SPHKAP: variants seen among roughly 807,000 people sequenced by gnomAD.
SPHKAP encodes the protein A-kinase anchor protein SPHKAP.
SPHKAP carries 67 observed loss-of-function variants against 137.5 expected under a neutral mutation model. That is an observed-to-expected ratio of 0.49 (90% CI 0.40 to 0.60). SPHKAP has a LOEUF of 0.60. Among genes scored for constraint, SPHKAP ranks in the 20% least tolerant of loss-of-function variants. The pLI, the probability that SPHKAP is intolerant of heterozygous loss-of-function variation, is 0.00. For missense variants in SPHKAP, 2,097 were observed against 2,069.3 expected (o/e 1.01, Z -0.26); for synonymous variants, 813 against 785.3 (o/e 1.04, Z -0.59).
At chr2:228,012,635 A>G (rs1231359236) in intron 7 of SPHKAP, among the ~76,000 whole-genome samples, 1 of 152,254 alleles carries the variant, frequency 6.6e-6, no homozygotes, top group Non-Finnish European at 1.5e-5. Flanking sequence ...CTATGAGAGT[A>G]GATATCAAGT....
At chr2:228,073,006 A>G (rs1302754287) in intron 3 of SPHKAP, among the ~76,000 whole-genome samples, 2 of 152,238 alleles carry the variant, frequency 1.3e-5, no homozygotes, top group Non-Finnish European at 2.9e-5. Context: ...GAGCATAATG[A>G]GAGGTTGCTT....
At chr2:228,029,778 G>A (rs1471151371) in intron 3 of SPHKAP, among the ~76,000 whole-genome samples, 1 of 152,120 alleles carries the variant, frequency 6.6e-6, no homozygotes, top group African/African-American at 2.4e-5. Flanking sequence ...CAGTCCTCAG[G>A]GACTTTTAAT....
At chr2:228,148,503 C>T (rs1292067929) in intron 1 of SPHKAP, among the ~76,000 whole-genome samples, 1 of 152,128 alleles carries the variant, frequency 6.6e-6, no homozygotes, top group Non-Finnish European at 1.5e-5. Context: ...TGCTGTCTGG[C>T]TGAAGTGCCC....
chr2:228,003,776 CT>C (rs1694004867), intron 7 of SPHKAP, among the ~76,000 whole-genome samples: 1 of 152,058 alleles, frequency 6.6e-6, no homozygotes, highest in South Asian at 2.1e-4. Context: ...GCATGAAGGG[CT>C]CTTGAATTTT....
rs1165113905 is a variant in SPHKAP at position 228,018,668 on chromosome 2, C to T, written c.2186G>A (p.Arg729Gln). Residue 729 changes from arginine to glutamine, a missense_variant, in exon 7 of 12, where the codon CGG (arginine) becomes CAG (glutamine). Coordinates refer to ENST00000392056, the MANE Select transcript of SPHKAP (RefSeq NM_001142644.2). ...FTFKKMSHIV[R>Q]LGECPAVLSK... ...AAGGACAGCAGGACATTCACCAAGC[C>T]GTACAATATGACTCATCTTCTTGAA... The T allele has an allele frequency of 2.2e-5, 35 of 1,613,982 alleles. No homozygotes were observed. The highest frequency in any genetic ancestry group is 8.0e-5 in the African/African-American group (6 of 74,884).
At chr2:228,001,329 A>G (rs1693861428) in intron 7 of SPHKAP, among the ~76,000 whole-genome samples, 1 of 143,700 alleles carries the variant, frequency 7.0e-6, no homozygotes, top group Non-Finnish European at 1.5e-5. Flanking sequence ...AAATATATAT[A>G]CATATATAAA....
chr2:228,126,479 C>A (rs1301433080), intron 2 of SPHKAP, among the ~76,000 whole-genome samples: 1 of 152,076 alleles, frequency 6.6e-6, no homozygotes, highest in Non-Finnish European at 1.5e-5. Flanking sequence ...TGTCACCACT[C>A]CATTAAGCAA....
intron 1 of SPHKAP, among the ~76,000 whole-genome samples, chr2:228,167,079 C>T (rs1002441234): frequency 6.6e-6 from 1 of 152,164 alleles, no homozygotes; most frequent in Non-Finnish European, 1.5e-5. Context: ...ATGATCCAAT[C>T]ACTTCCCACC....
intron 5 of SPHKAP, among the ~76,000 whole-genome samples, chr2:228,024,360 T>TA (rs201897730): frequency 0.32 from 44,900 of 142,358 alleles, 6,978 homozygotes; most frequent in Middle Eastern, 0.47. Flanking sequence ...TTTTTTTTTT[T>TA]TAAATCTGTG....
At chr2:228,062,142 A>T (rs1434638850) in intron 3 of SPHKAP, among the ~76,000 whole-genome samples, 1 of 151,854 alleles carries the variant, frequency 6.6e-6, no homozygotes, top group Admixed American at 6.6e-5. Flanking sequence ...CTGTAGGTCA[A>T]CCACTCCCCT....
intron 2 of SPHKAP, 49 bp from the exon 3 acceptor site, chr2:228,108,988 C>A: frequency 2.5e-6 from 3 of 1,206,540 alleles, no homozygotes; most frequent in Non-Finnish European, 2.3e-6. Flanking sequence ...TCCTTTCTAT[C>A]TAAACAGCAG....
intron 7 of SPHKAP, among the ~76,000 whole-genome samples, chr2:228,002,941 A>G (rs190410035): frequency 1.3e-5 from 2 of 152,234 alleles, no homozygotes; most frequent in Non-Finnish European, 2.9e-5. Context: ...CTGTTTTGGT[A>G]CCAGTACCAT....
chr2:228,092,427 ATATGTATATATGTGCCATATATATG>A (rs1161634031), intron 3 of SPHKAP, among the ~76,000 whole-genome samples: 9 of 121,008 alleles, frequency 7.4e-5, no homozygotes, highest in South Asian at 2.6e-4. Context: ...ATATATACAT[ATATGTATATATGTGCCATATATATG>A]TATACATATA....
At position 228,003,447 on chromosome 2, in the gene SPHKAP, C is replaced by A. The variant is rs527383964; in HGVS notation, c.4449-7753G>T. 1.1e-4 allele frequency among the ~76,000 whole-genome samples: 17 copies of A among 152,284 alleles called. No individual in the cohort carries two copies. The South Asian group carries it at 3.5e-3, about 32-fold the overall frequency. On this transcript the variant is annotated intron_variant, in intron 7 of 11. Transcript: ENST00000392056. Reference sequence around the variant, plus strand: ...AGACTTTGCTGAAGTTGCTTATCAGCTTAAGGAGATTTTGAGCTGAAACGA... The same window carrying A: ...AGACTTTGCTGAAGTTGCTTATCAGATTAAGGAGATTTTGAGCTGAAACGA...
intron 3 of SPHKAP, among the ~76,000 whole-genome samples, chr2:228,052,811 C>T (rs936702597): frequency 1.3e-5 from 2 of 151,812 alleles, no homozygotes; most frequent in African/African-American, 2.4e-5. Context: ...AAACTCTGTC[C>T]TTTGTTATAC....
Position 228,021,919 on chromosome 2 carries a change from G to C in SPHKAP, c.489C>G (p.Asn163Lys), listed in dbSNP as rs202237529. Residue 163 changes from asparagine (N) to lysine (K), a missense_variant, in exon 6 of 12, where the codon AAC becomes AAG. Coordinates refer to ENST00000392056, the MANE Select transcript of SPHKAP (RefSeq NM_001142644.2). ...TGATGCAGTTGGTACTGTTTGGTCTGTTCCCTCTTGCACATTGGACCAAGC... is the reference window on the plus strand; with the variant it reads ...TGATGCAGTTGGTACTGTTTGGTCTCTTCCCTCTTGCACATTGGACCAAGC... ...DICLVQCARG[N>K]RPNSTNCIIF... is the part of the protein sequence containing the mutation. 46 of 1,613,690 alleles carry C rather than the reference G, an allele frequency of 2.9e-5. No individual in the cohort carries two copies. Among genetic ancestry groups the C allele is most frequent in the Non-Finnish European group, 3.8e-5 (45 of 1,179,864 alleles).
chr2:228,178,263 T>A (rs975629706), intron 1 of SPHKAP, among the ~76,000 whole-genome samples: 4 of 152,166 alleles, frequency 2.6e-5, no homozygotes, highest in Non-Finnish European at 5.9e-5. Context: ...CTACATAGAA[T>A]TTATATGGAT....
intron 3 of SPHKAP, among the ~76,000 whole-genome samples, chr2:228,106,328 G>A (rs781363409): frequency 5.3e-5 from 8 of 151,872 alleles, no homozygotes; most frequent in South Asian, 2.1e-4. Flanking sequence ...ATATGAAAAC[G>A]TTGGCTACTA....
intron 8 of SPHKAP, among the ~76,000 whole-genome samples, chr2:227,994,315 T>A (rs1693541501): frequency 6.6e-6 from 1 of 152,164 alleles, no homozygotes; most frequent in African/African-American, 2.4e-5. Flanking sequence ...ACAGTCAACA[T>A]ATGGTCTAGT....
Sources: gnomAD v4.1 joint callset for allele counts (sites outside exome capture counted in the v4.1 genomes callset) on GRCh38, gnomAD v4.1.1 for gene constraint, MANE v1.5 for transcripts, NCBI Gene and HGNC (gene_info 2026-07-23, HGNC 2026-07-21) for gene names.